The following HERC1 variants were observed in gnomAD, a reference collection of about 807,000 sequenced individuals.
HERC1 encodes HECT and RLD domain containing E3 ubiquitin protein ligase family member 1, also known as probable E3 ubiquitin-protein ligase HERC1.
A neutral mutation model predicts 554.3 loss-of-function variants in HERC1; 160 were observed. The ratio of observed to expected loss-of-function variants is 0.29; its 90% confidence interval spans 0.25 to 0.33. The LOEUF (loss-of-function observed/expected upper bound fraction) is 0.33, where lower values mean the gene tolerates loss of function less well. Ranked by LOEUF, HERC1 falls within the 10% of genes least tolerant of loss-of-function variation. HERC1 has a pLI of 1.00. For missense variants in HERC1, 4,919 were observed against 5,918.5 expected (o/e 0.83, Z 5.54); for synonymous variants, 2,175 against 2,131.7 (o/e 1.02, Z -0.56).
intron 2 of HERC1, among the ~76,000 whole-genome samples, chr15:63,767,287 G>A (rs947477876): frequency 2.0e-5 from 3 of 152,088 alleles, no homozygotes; most frequent in African/African-American, 4.8e-5. Context: ...ACAGGCGTGA[G>A]CCACCGCGCC....
intron 60 of HERC1, 88 bp from the exon 61 acceptor site, chr15:63,640,533 A>C: frequency 9.0e-7 from 1 of 1,115,318 alleles, no homozygotes; most frequent in Non-Finnish European, 1.3e-6. Context: ...GTCTGGAATC[A>C]TATTTTTCAA....
chr15:63,754,464 A>C (rs1338662652), intron 7 of HERC1, 41 bp downstream of exon 7: 4 of 1,516,880 alleles, frequency 2.6e-6, no homozygotes, highest in Middle Eastern at 1.8e-4. Context: ...AAAAAACTCA[A>C]GAAAAAAGCC....
At position 63,727,701 on chromosome 15, in the gene HERC1, G is replaced by A; in HGVS notation, c.3292C>T (p.Leu1098Phe). ...LLPPLDCLNR[L>F]LPAADLLEDQ... Reference sequence around the variant, plus strand: ...TCTAAAAGATCAGCAGCTGGCAGGAGTCTATTAAGGCAATCAAGAGGTGGC... The same window carrying A: ...TCTAAAAGATCAGCAGCTGGCAGGAATCTATTAAGGCAATCAAGAGGTGGC... Residue 1098 changes from leucine to phenylalanine, a missense_variant, in exon 17 of 78, where the codon CTC (leucine) becomes TTC (phenylalanine). Leu to Phe is a conservative substitution (Grantham distance 22). Coordinates refer to ENST00000443617, the MANE Select transcript of HERC1 (RefSeq NM_003922.4). This position sits in a 1 kb window ranked among gnomAD's most constrained non-coding sequence, Gnocchi z 4.3. 2 of 1,613,738 alleles carry A rather than the reference G, an allele frequency of 1.2e-6. No homozygotes were observed. The highest frequency in any genetic ancestry group is 1.7e-6 in the Non-Finnish European group (2 of 1,179,790).
intron 1 of HERC1, among the ~76,000 whole-genome samples, chr15:63,828,296 G>C (rs1476286966): frequency 6.6e-6 from 1 of 151,480 alleles, no homozygotes; most frequent in Non-Finnish European, 1.5e-5. Context: ...ATGGAAATGA[G>C]ATAGTAAAAA....
At chr15:63,797,404 T>A (rs1415773961) in intron 1 of HERC1, among the ~76,000 whole-genome samples, 1 of 152,182 alleles carries the variant, frequency 6.6e-6, no homozygotes, top group Non-Finnish European at 1.5e-5. Context: ...TAATAGAATC[T>A]AAGATTGGTT....
Position 63,661,830 on chromosome 15 carries a change from C to T in HERC1, c.9093G>A (p.Pro3031=), listed in dbSNP as rs2228511. The T allele has an allele frequency of 0.83, 1,333,334 of 1,613,804 alleles. 569,625 individuals are homozygous for T. The highest frequency in any genetic ancestry group is 0.88 in the Non-Finnish European group (1,036,046 of 1,179,838). ...WFGGECGSGN[P]YYLLCGTCRE... is the part of the protein sequence containing the mutation. ...TGCAGGTGCCACATAACAGGTAGTA[C>T]GGATTTCCACTCCCACATTCACCGC... Residue 3031 remains proline, a synonymous_variant, in exon 45 of 78, where the codon CCG becomes CCA. Transcript: ENST00000443617.
chr15:63,725,261 G>A (rs753703275), intron 18 of HERC1, 31 bp downstream of exon 18: 1 of 1,567,904 alleles, frequency 6.4e-7, no homozygotes, highest in South Asian at 1.1e-5. Flanking sequence ...AAACAGGCAT[G>A]TATTTTAAAT....
Position 63,674,853 on chromosome 15 carries a change from T to G in HERC1, c.7335A>C (p.Thr2445=), listed in dbSNP as rs780844133. ...ESALDMRTGL[T]SDDVKSQSTT... ...TACTCTGACTTTTGACGTCATCAGA[T>G]GTTAGGCCTGTTCGCATATCTAAAG... Residue 2445 remains threonine (T), a synonymous_variant, in exon 38 of 78, where the codon ACA becomes ACC. Transcript: ENST00000443617. 1 of 1,613,722 alleles carries G rather than the reference T, an allele frequency of 6.2e-7. No individual in the cohort carries two copies. Among genetic ancestry groups the G allele is most frequent in the Admixed American group, 1.7e-5 (1 of 59,990 alleles).
chr15:63,764,191 C>G lies in HERC1; in HGVS notation c.931G>C (p.Gly311Arg), dbSNP rs2075699702. 1 of 1,601,116 alleles carries G rather than the reference C, an allele frequency of 6.2e-7. No homozygotes were observed. The highest frequency in any genetic ancestry group is 1.3e-5 in the African/African-American group (1 of 74,574). The change falls in exon 3 of 78, where the codon GGT becomes CGT. Residue 311 changes from glycine to arginine, a missense_variant and splice_region_variant. Gly to Arg is a moderately radical substitution (Grantham distance 125). Transcript: ENST00000443617. ...TILMQMRRSLGSSADRSQWRE... is the reference protein window; with the variant it reads ...TILMQMRRSLRSSADRSQWRE... ...CACTGACTCCGATCAGCAGATGAACCCTATAATTAAAACATTGCGGGACAC... is the reference window on the plus strand; with the variant it reads ...CACTGACTCCGATCAGCAGATGAACGCTATAATTAAAACATTGCGGGACAC...
intron 7 of HERC1, 114 bp from the exon 8 acceptor site, chr15:63,753,199 T>C (rs2075308908): frequency 3.0e-6 from 2 of 660,694 alleles, no homozygotes; most frequent in Non-Finnish European, 4.5e-6. Flanking sequence ...CTGGCAGATA[T>C]GAAAAGCTAT....
intron 1 of HERC1, among the ~76,000 whole-genome samples, chr15:63,808,308 A>C (rs181844021): frequency 7.9e-5 from 12 of 152,260 alleles, no homozygotes; most frequent in African/African-American, 2.2e-4. Flanking sequence ...TCCTCAAAGA[A>C]ACAGGGTCTT....
At chr15:63,672,436 A>G (rs577001058) in intron 39 of HERC1, 60 bp downstream of exon 39, 2 of 1,236,498 alleles carry the variant, frequency 1.6e-6, no homozygotes, top group East Asian at 2.5e-5. Context: ...ATATGAGGAC[A>G]ACTGTGCCTT....
At chr15:63,701,705 A>C (rs1161048758) in intron 25 of HERC1, among the ~76,000 whole-genome samples, 1 of 152,240 alleles carries the variant, frequency 6.6e-6, no homozygotes, top group Non-Finnish European at 1.5e-5. Flanking sequence ...CAGGAAACAC[A>C]CTATGTGGAA....
intron 1 of HERC1, among the ~76,000 whole-genome samples, chr15:63,810,849 T>G (rs1021147128): frequency 6.6e-6 from 1 of 152,162 alleles, no homozygotes; most frequent in East Asian, 1.9e-4. Flanking sequence ...AGAAGGAAAA[T>G]GGCACTGAGT....
chr15:63,774,328 C>A (rs8037083), intron 2 of HERC1, among the ~76,000 whole-genome samples: 1 of 152,204 alleles, frequency 6.6e-6, no homozygotes. Context: ...AAATGTTTAA[C>A]ATAAATTGGG....
chr15:63,717,593 C>T (rs1057250743), intron 21 of HERC1, among the ~76,000 whole-genome samples: 2 of 152,202 alleles, frequency 1.3e-5, no homozygotes, highest in Non-Finnish European at 2.9e-5. Context: ...GTGGCTCACG[C>T]CTATAATCCT....
chr15:63,711,597 T>C (rs1050505228), intron 24 of HERC1, among the ~76,000 whole-genome samples: 2 of 152,224 alleles, frequency 1.3e-5, no homozygotes, highest in African/African-American at 4.8e-5. Context: ...ACTTATTCTT[T>C]ATGTAGCACT....
At chr15:63,739,194 A>ATATATT (rs1567071803) in intron 12 of HERC1, among the ~76,000 whole-genome samples, 21 of 50,618 alleles carry the variant, frequency 4.1e-4, no homozygotes, top group African/African-American at 1.4e-3. Flanking sequence ...CCACTAATAT[A>ATATATT]CTTTTTTTTT....
At chr15:63,783,903 T>C (rs2143495964) in intron 1 of HERC1, among the ~76,000 whole-genome samples, 1 of 151,944 alleles carries the variant, frequency 6.6e-6, no homozygotes, top group Non-Finnish European at 1.5e-5. Flanking sequence ...CCGTCTCTAA[T>C]AAAAATACAA....
Sources: allele counts gnomAD v4.1 joint callset (sites outside exome capture counted in the v4.1 genomes callset), GRCh38; gene constraint gnomAD v4.1.1; non-coding constraint Gnocchi (gnomAD v3.1); transcripts MANE v1.5; gene names NCBI Gene and HGNC (gene_info 2026-07-23, HGNC 2026-07-21).